Variants in PRAG1 observed in about 807,000 individuals in gnomAD.
PRAG1 encodes PEAK1 related, kinase-activating pseudokinase 1, also known as inactive tyrosine-protein kinase PRAG1.
Under a neutral mutation model 95.6 loss-of-function variants are expected in PRAG1, and 110 were observed. The ratio of observed to expected loss-of-function variants is 1.15; its 90% CI spans 0.99 to 1.35. The LOEUF is 1.35. Among genes scored for constraint, PRAG1 ranks in the 40% most tolerant of loss-of-function variants. The pLI is 0.00. For synonymous variants in PRAG1, 1,052 were observed against 819.4 expected, an observed-to-expected ratio of 1.28 and a Z score of -4.85; for missense variants, 2,554 against 1,864.7, an observed-to-expected ratio of 1.37 and a Z score of -6.81.
intron 4 of PRAG1, among the ~76,000 whole-genome samples, chr8:8,332,493 T>C (rs1382383741): frequency 3.3e-5 from 5 of 152,066 alleles, no homozygotes; most frequent in Non-Finnish European, 7.4e-5. Flanking sequence ...AGAAAAGATA[T>C]GCCTGGTTCT....
At chr8:8,320,122 G>C (rs982983272) in intron 5 of PRAG1, among the ~76,000 whole-genome samples, 4 of 152,198 alleles carry the variant, frequency 2.6e-5, no homozygotes, top group African/African-American at 9.7e-5. Flanking sequence ...GGTATTGGTA[G>C]GAAGACATCC....
intron 3 of PRAG1, among the ~76,000 whole-genome samples, chr8:8,370,673 C>T (rs759322770): frequency 6.6e-6 from 1 of 152,216 alleles, no homozygotes; most frequent in Non-Finnish European, 1.5e-5. Context: ...ACACCCATCT[C>T]ACTCATCCTA....
Position 8,358,447 on chromosome 8 carries a change from A to T in PRAG1, c.2162+17800T>A, listed in dbSNP as rs73523426. ...ACTTAACCTTCAGCCTCTCTCCCCA[A>T]CCCTGTGGGTTGGAGTGGGACTGAA... On this transcript the variant is annotated intron_variant, in intron 3 of 5. Transcript: ENST00000615670. Among the ~76,000 whole-genome samples the T allele has an allele frequency of 5.0e-3, 758 of 152,048 alleles. 6 individuals are homozygous for T. Among genetic ancestry groups the T allele is most frequent in the African/African-American group, 0.017 (710 of 41,448 alleles).
intron 3 of PRAG1, among the ~76,000 whole-genome samples, chr8:8,375,627 G>C (rs1800360804): frequency 6.6e-6 from 1 of 151,924 alleles, no homozygotes; most frequent in Non-Finnish European, 1.5e-5. Flanking sequence ...CATTTATTTG[G>C]CATTAACTGT....
rs747903564 is a variant in PRAG1, at chr8:8,318,671, C to A, written c.3704G>T (p.Ser1235Ile). ...GGTPNLQQKKSQARLAPEIVS... is the reference protein window; with the variant it reads ...GGTPNLQQKKIQARLAPEIVS... ...GATCTCGGGGGCCAGCCGGGCCTGG[C>A]TCTTCTTCTGCTGCAGGTTTGGGGT... Residue 1235 changes from serine to isoleucine, a missense_variant, in exon 6 of 6, where the codon AGC becomes ATC. Transcript: ENST00000615670. The surrounding 1 kb of genome is among the most constrained non-coding windows in gnomAD (Gnocchi z 4.2). 1 of 1,611,522 alleles carries A rather than the reference C, an allele frequency of 6.2e-7. No homozygotes were observed. The highest frequency in any genetic ancestry group is 1.1e-5 in the South Asian group (1 of 91,042).
chr8:8,369,060 C>T (rs1281541643), intron 3 of PRAG1, among the ~76,000 whole-genome samples: 16 of 152,094 alleles, frequency 1.1e-4, no homozygotes, highest in Non-Finnish European at 1.5e-5. Flanking sequence ...TAATGATTAA[C>T]CTTAGCTTCT....
intron 3 of PRAG1, among the ~76,000 whole-genome samples, chr8:8,349,924 G>C (rs1799464224): frequency 8.0e-6 from 1 of 125,436 alleles, no homozygotes; most frequent in African/African-American, 3.0e-5. Context: ...TTAAAAGATA[G>C]GAAAATACAC....
At chr8:8,371,876 C>T (rs912859969) in intron 3 of PRAG1, among the ~76,000 whole-genome samples, 3 of 152,052 alleles carry the variant, frequency 2.0e-5, no homozygotes, top group Admixed American at 1.3e-4. Context: ...AAACGAAACA[C>T]ACAAAAAACA....
chr8:8,318,507 G>A lies in PRAG1; in HGVS notation c.3868C>T (p.Leu1290=), dbSNP rs1191939978. 9 of 1,611,364 alleles carry A rather than the reference G, an allele frequency of 5.6e-6. No individual in the cohort carries two copies. The highest frequency in any genetic ancestry group is 7.6e-6 in the Non-Finnish European group (9 of 1,179,522). The change falls in exon 6 of 6, where the codon CTG becomes TTG. Residue 1290 remains leucine (L), a synonymous_variant. Coordinates refer to ENST00000615670, the MANE Select transcript of PRAG1 (RefSeq NM_001080826.3). The surrounding 1 kb of genome is among the most constrained non-coding windows in gnomAD (Gnocchi z 4.2). ...RDYRQEDLPP[L]PALSLYSPGL... is the part of the protein sequence containing the mutation. Reference sequence around the variant, plus strand: ...GGTGAGTAGAGGGACAGCGCGGGCAGCGGCGGCAGGTCCTCCTGCCGGTAG... The same window carrying A: ...GGTGAGTAGAGGGACAGCGCGGGCAACGGCGGCAGGTCCTCCTGCCGGTAG...
At chr8:8,342,089 C>T (rs1166546104) in intron 3 of PRAG1, among the ~76,000 whole-genome samples, 1 of 151,936 alleles carries the variant, frequency 6.6e-6, no homozygotes, top group East Asian at 1.9e-4. Context: ...CGAGATGGTG[C>T]CATTGCACTC....
intron 4 of PRAG1, among the ~76,000 whole-genome samples, chr8:8,330,000 A>G (rs1259190315): frequency 6.6e-6 from 1 of 152,198 alleles, no homozygotes; most frequent in Non-Finnish European, 1.5e-5. Context: ...ATGCAAAGAA[A>G]AGCCCTGGGG....
chr8:8,377,914 G>A lies in PRAG1; in HGVS notation c.495C>T (p.His165=). The part of the protein sequence containing the change: ...CPPAYTMVGL[H]NLEPRGERNI... Reference sequence around the variant, plus strand: ...TCCTCTCGCCGCGGGGCTCAAGGTTGTGCAGGCCGACCATGGTGTAAGCTG... The same window carrying A: ...TCCTCTCGCCGCGGGGCTCAAGGTTATGCAGGCCGACCATGGTGTAAGCTG... The change falls in exon 3 of 6, where the codon CAC becomes CAT. Residue 165 remains histidine, a synonymous_variant. Coordinates refer to ENST00000615670, the MANE Select transcript of PRAG1 (RefSeq NM_001080826.3). 1.2e-6 allele frequency: 2 copies of A among 1,614,104 alleles called. No homozygotes were observed. The highest frequency in any genetic ancestry group is 1.7e-6 in the Non-Finnish European group (2 of 1,180,030).
intron 3 of PRAG1, among the ~76,000 whole-genome samples, chr8:8,354,498 C>T (rs543985697): frequency 6.6e-6 from 1 of 152,174 alleles, no homozygotes; most frequent in Non-Finnish European, 1.5e-5. Flanking sequence ...AAAGTACAGG[C>T]CAATATTGCT....
chr8:8,338,624 C>T (rs1585234147), intron 4 of PRAG1, among the ~76,000 whole-genome samples: 1 of 152,250 alleles, frequency 6.6e-6, no homozygotes, highest in East Asian at 1.9e-4. Context: ...CATCAGAACA[C>T]ACCACAGACT....
chr8:8,324,520 G>T (rs889921189), intron 5 of PRAG1, among the ~76,000 whole-genome samples: 2 of 152,164 alleles, frequency 1.3e-5, no homozygotes, highest in African/African-American at 4.8e-5. Flanking sequence ...ACTGGGTGGG[G>T]GAAGGGGCGG....
intron 3 of PRAG1, chr8:8,374,577 A>G (rs1204087568): frequency 1.2e-6 from 1 of 851,148 alleles, no homozygotes; most frequent in Non-Finnish European, 1.4e-6. Context: ...TGAGGATGAA[A>G]TGAGTTGTTA....
chr8:8,318,522 C>G lies in PRAG1; in HGVS notation c.3853G>C (p.Glu1285Gln). Reference protein sequence around the residue: ...AQLRERDYRQEDLPPLPALSL... With the variant: ...AQLRERDYRQQDLPPLPALSL... ...AGCGCGGGCAGCGGCGGCAGGTCCT[C>G]CTGCCGGTAGTCTCTCTCCCGCAGC... Residue 1285 changes from glutamate (E) to glutamine (Q), a missense_variant, in exon 6 of 6, where the codon GAG becomes CAG. Coordinates refer to ENST00000615670, the MANE Select transcript of PRAG1 (RefSeq NM_001080826.3). The surrounding 1 kb of genome is among the most constrained non-coding windows in gnomAD (Gnocchi z 4.2). 6.2e-7 allele frequency: 1 copy of G among 1,612,648 alleles called. No individual in the cohort carries two copies.
In PRAG1 at chr8:8,339,641, A is replaced by C. The variant is rs1437788064; in HGVS notation, c.2163-6T>G. 1 of 1,610,012 alleles carries C rather than the reference A, an allele frequency of 6.2e-7. No homozygotes were observed. Among genetic ancestry groups the C allele is most frequent in the Non-Finnish European group, 8.5e-7 (1 of 1,176,520 alleles). On this transcript the variant is annotated splice_region_variant and splice_polypyrimidine_tract_variant and intron_variant, in intron 3 of 5. Transcript: ENST00000615670. ...TGTTCATTTTTAGAAGGTGCCTGGA[A>C]AAGGTAGGAACAAACAATACAAATA...
At chr8:8,378,224 C>T (rs969644805) in intron 2 of PRAG1, 146 bp from the exon 3 acceptor site, 6 of 884,628 alleles carry the variant, frequency 6.8e-6, no homozygotes, top group South Asian at 2.1e-5. Flanking sequence ...GGACTCAGTG[C>T]ACGCCCACCT....
Sources: allele counts gnomAD v4.1 joint callset (sites outside exome capture counted in the v4.1 genomes callset), GRCh38; gene constraint gnomAD v4.1.1; non-coding constraint Gnocchi (gnomAD v3.1); transcripts MANE v1.5; gene names NCBI Gene and HGNC (gene_info 2026-07-23, HGNC 2026-07-21).